The following TBL1X variants were observed in gnomAD, a reference collection of about 807,000 sequenced individuals.
TBL1X encodes transducin beta like 1 X-linked.
In TBL1X, 10 loss-of-function variants were observed where a neutral mutation model predicts 50.7. The observed-to-expected ratio is 0.20, with a 90% CI of 0.12 to 0.33. The LOEUF (loss-of-function observed/expected upper bound fraction) is 0.33, where lower values mean the gene tolerates loss of function less well. Ranked by LOEUF, TBL1X falls within the 10% of genes least tolerant of loss-of-function variation. The pLI is 1.00. For missense variants in TBL1X, 340 were observed against 504.4 expected, an observed-to-expected ratio of 0.67 and a Z score of 3.12; for synonymous variants, 190 against 214.7, an observed-to-expected ratio of 0.88 and a Z score of 1.01.
chrX:9,557,377 A>T (rs1601755843), intron 2 of TBL1X, among the ~76,000 whole-genome samples: 1 of 111,631 alleles, frequency 9.0e-6, no homozygotes, highest in South Asian at 3.7e-4. Context: ...TTTGCAGGGG[A>T]AACAGGCGGT....
At chrX:9,675,882 A>C (rs2082990786) in intron 5 of TBL1X, among the ~76,000 whole-genome samples, 1 of 96,769 alleles carries the variant, frequency 1.0e-5, no homozygotes, top group Non-Finnish European at 2.1e-5. Flanking sequence ...CAAGAATGCA[A>C]CTCTGTCTCA....
intron 2 of TBL1X, among the ~76,000 whole-genome samples, chrX:9,620,444 C>G (rs2082660829): frequency 8.9e-6 from 1 of 112,409 alleles, no homozygotes; most frequent in Non-Finnish European, 1.9e-5. Context: ...TTGTAGCAAA[C>G]AGAGGAACAA....
At chrX:9,521,221 G>T (rs1674519801) in intron 2 of TBL1X, among the ~76,000 whole-genome samples, 1 of 111,803 alleles carries the variant, frequency 8.9e-6, no homozygotes, top group Non-Finnish European at 1.9e-5. Context: ...AGATGGGAAG[G>T]TCGTAAACGT....
intron 2 of TBL1X, among the ~76,000 whole-genome samples, chrX:9,572,643 C>A (rs1260236460): frequency 8.9e-6 from 1 of 112,558 alleles, no homozygotes; most frequent in African/African-American, 3.2e-5. Context: ...TGTTTACTTA[C>A]CAAGGGTAGG....
intron 5 of TBL1X, among the ~76,000 whole-genome samples, chrX:9,674,771 G>A (rs746361210): frequency 1.0e-5 from 1 of 95,501 alleles, no homozygotes; most frequent in East Asian, 3.5e-4. Context: ...GTAAAGATGG[G>A]GTCTCATTTT....
intron 8 of TBL1X, 66 bp from the exon 9 acceptor site, chrX:9,692,047 A>G (rs2083101077): frequency 8.3e-7 from 1 of 1,203,301 alleles, no homozygotes; most frequent in South Asian, 1.8e-5. Context: ...CCAGAGAGCA[A>G]GCTGTGGAGA....
intron 2 of TBL1X, among the ~76,000 whole-genome samples, chrX:9,565,270 T>TAAAAA (rs2082344950): frequency 9.7e-5 from 1 of 10,335 alleles, no homozygotes; most frequent in African/African-American, 4.2e-4. Context: ...AGACTCCGTC[T>TAAAAA]CAAAAAAAAA....
chrX:9,575,159 A>T (rs1045610913), intron 2 of TBL1X, among the ~76,000 whole-genome samples: 18 of 111,318 alleles, frequency 1.6e-4, no homozygotes, highest in African/African-American at 5.6e-4. Flanking sequence ...CAGGAGAGAG[A>T]GTGAGAGGGG....
intron 3 of TBL1X, among the ~76,000 whole-genome samples, chrX:9,649,274 G>A (rs2082821356): frequency 8.9e-6 from 1 of 112,400 alleles, no homozygotes; most frequent in Admixed American, 9.4e-5. Flanking sequence ...AGCAAAGTAA[G>A]TGTTTGTTGG....
At chrX:9,698,350 C>T (rs941697765) in intron 12 of TBL1X, among the ~76,000 whole-genome samples, 1 of 111,001 alleles carries the variant, frequency 9.0e-6, no homozygotes, top group Admixed American at 9.6e-5. Flanking sequence ...TGCGAGGACC[C>T]CCAGGACTCA....
intron 5 of TBL1X, among the ~76,000 whole-genome samples, chrX:9,677,085 C>G (rs950781621): frequency 9.0e-6 from 1 of 110,768 alleles, no homozygotes; most frequent in Admixed American, 9.7e-5. Context: ...TTTTTCATCC[C>G]GGCTCCCACT....
At chrX:9,606,966 T>A (rs888933922) in intron 2 of TBL1X, among the ~76,000 whole-genome samples, 6 of 112,653 alleles carry the variant, frequency 5.3e-5, no homozygotes, top group Non-Finnish European at 1.1e-4. Context: ...TACAGTCTTC[T>A]GTGCAAAGTT....
At chrX:9,670,129 C>T (rs2082952248) in intron 5 of TBL1X, among the ~76,000 whole-genome samples, 1 of 111,751 alleles carries the variant, frequency 8.9e-6, no homozygotes, top group African/African-American at 3.3e-5. Context: ...TAATAATTTG[C>T]CATTATGCCG....
At chrX:9,658,068 G>A (rs1027453524) in intron 5 of TBL1X, among the ~76,000 whole-genome samples, 38 of 111,451 alleles carry the variant, frequency 3.4e-4, no homozygotes, top group Non-Finnish European at 6.2e-4. Flanking sequence ...ATAAAGGGGA[G>A]TTCCCTTGCA....
At chrX:9,471,277 AT>A (rs2081812967) in intron 1 of TBL1X, among the ~76,000 whole-genome samples, 2 of 112,086 alleles carry the variant, frequency 1.8e-5, no homozygotes, top group Admixed American at 1.9e-4. Context: ...TTGTCCTGGC[AT>A]TTTGGTGACT....
chrX:9,640,864 C>T (rs2082772390), intron 3 of TBL1X, among the ~76,000 whole-genome samples: 1 of 111,631 alleles, frequency 9.0e-6, no homozygotes, highest in Non-Finnish European at 1.9e-5. Flanking sequence ...GAACTGAGCT[C>T]AAGTGATCCG....
chrX:9,676,836 A>G (rs994744250), intron 5 of TBL1X, among the ~76,000 whole-genome samples: 1 of 111,957 alleles, frequency 8.9e-6, no homozygotes, highest in Non-Finnish European at 1.9e-5. Flanking sequence ...TCTCCCCAGC[A>G]TATTTTTTTT....
intron 2 of TBL1X, among the ~76,000 whole-genome samples, chrX:9,519,608 C>T (rs1006509179): frequency 8.9e-6 from 1 of 111,780 alleles, no homozygotes; most frequent in African/African-American, 3.3e-5. Context: ...TTGAAAATTT[C>T]TTCTCTCAAC....
chrX:9,512,808 C>CT (rs1384733824), intron 2 of TBL1X, among the ~76,000 whole-genome samples: 2 of 111,666 alleles, frequency 1.8e-5, no homozygotes, highest in Admixed American at 9.5e-5. Flanking sequence ...CAGTGTAAGT[C>CT]TTTTGAAACA....
Sources: gnomAD v4.1 joint callset for allele counts (sites outside exome capture counted in the v4.1 genomes callset) on GRCh38, gnomAD v4.1.1 for gene constraint, MANE v1.5 for transcripts, NCBI Gene and HGNC (gene_info 2026-07-23, HGNC 2026-07-21) for gene names.